Variants in CACNA2D3 observed in about 807,000 individuals in gnomAD.
The protein encoded by CACNA2D3 is calcium voltage-gated channel auxiliary subunit alpha2delta 3.
Under a neutral mutation model 160.6 loss-of-function variants are expected in CACNA2D3, and 60 were observed. The observed-to-expected ratio is 0.37, with a 90% CI of 0.30 to 0.46. The LOEUF is 0.46. Among genes scored for constraint, CACNA2D3 ranks in the 20% least tolerant of loss-of-function variants. The pLI, the probability that CACNA2D3 is intolerant of heterozygous loss-of-function variation, is 1.00. For missense variants in CACNA2D3, 1,205 were observed against 1,365.0 expected (o/e 0.88, Z 1.85); for synonymous variants, 558 against 492.9 (o/e 1.13, Z -1.75).
chr3:54,821,731 CT>C (rs1329194984), intron 14 of CACNA2D3, among the ~76,000 whole-genome samples: 3 of 140,026 alleles, frequency 2.1e-5, no homozygotes, highest in East Asian at 4.3e-4. Context: ...CTCTCTCTCT[CT>C]CTCTTTCTCT....
chr3:54,803,570 T>C (rs1382485523), intron 13 of CACNA2D3, among the ~76,000 whole-genome samples: 1 of 152,144 alleles, frequency 6.6e-6, no homozygotes, highest in Non-Finnish European at 1.5e-5. Context: ...AAAACAAATC[T>C]ACATCTGATT....
At chr3:54,324,893 A>C (rs1704088869) in intron 3 of CACNA2D3, among the ~76,000 whole-genome samples, 1 of 148,796 alleles carries the variant, frequency 6.7e-6, no homozygotes, top group Non-Finnish European at 1.5e-5. Flanking sequence ...TGACACCTGG[A>C]AATGCTTGTC....
At chr3:55,033,827 T>TTTTATA (rs1390816217) in intron 35 of CACNA2D3, among the ~76,000 whole-genome samples, 3,282 of 76,434 alleles carry the variant, frequency 0.043, 114 homozygotes, top group Middle Eastern at 0.074. Context: ...TTAAATATAT[T>TTTTATA]TAATATATAA....
chr3:54,848,089 A>G (rs1488972282), intron 17 of CACNA2D3, among the ~76,000 whole-genome samples: 1 of 152,226 alleles, frequency 6.6e-6, no homozygotes, highest in Non-Finnish European at 1.5e-5. Context: ...TGCCCGCCAC[A>G]CAGTCGACTC....
chr3:54,918,848 T>G, intron 27 of CACNA2D3: 1 of 1,575,280 alleles, frequency 6.3e-7, no homozygotes. Context: ...TCCTTTCCCT[T>G]CCAGGTGTCT....
At chr3:54,338,814 C>T (rs1704452970) in intron 3 of CACNA2D3, among the ~76,000 whole-genome samples, 2 of 152,030 alleles carry the variant, frequency 1.3e-5, no homozygotes, top group African/African-American at 4.8e-5. Flanking sequence ...GCTCGTGGGG[C>T]TTGAGGAAGG....
chr3:54,774,040 A>G (rs986521658), intron 13 of CACNA2D3, among the ~76,000 whole-genome samples: 2 of 152,234 alleles, frequency 1.3e-5, no homozygotes, highest in Non-Finnish European at 2.9e-5. Flanking sequence ...TCTAGCCTGA[A>G]TAATCATACA....
chr3:54,138,899 A>G (rs1699868857), intron 2 of CACNA2D3, among the ~76,000 whole-genome samples: 1 of 152,140 alleles, frequency 6.6e-6, no homozygotes. Context: ...TTCTCCTCTT[A>G]CCATCTGGAT....
chr3:54,307,124 T>G (rs1447667695), intron 2 of CACNA2D3, among the ~76,000 whole-genome samples: 1 of 152,168 alleles, frequency 6.6e-6, no homozygotes, highest in African/African-American at 2.4e-5. Context: ...GAGTTAGTGG[T>G]GTCTGAAATG....
chr3:54,131,118 AG>A (rs1397372412), intron 2 of CACNA2D3, among the ~76,000 whole-genome samples: 1 of 152,210 alleles, frequency 6.6e-6, no homozygotes, highest in Non-Finnish European at 1.5e-5. Context: ...CAAGCTCTTC[AG>A]GTAATCTTCA....
chr3:54,413,790 A>T (rs1180293935), intron 4 of CACNA2D3, among the ~76,000 whole-genome samples: 3 of 151,038 alleles, frequency 2.0e-5, no homozygotes, highest in African/African-American at 4.8e-5. Context: ...CTCCATCTAT[A>T]CACTGATTAT....
At chr3:54,789,232 T>C (rs1702698549) in intron 13 of CACNA2D3, among the ~76,000 whole-genome samples, 1 of 152,194 alleles carries the variant, frequency 6.6e-6, no homozygotes, top group South Asian at 2.1e-4. Flanking sequence ...AGGCATTGAA[T>C]AATTGAATAA....
At chr3:54,740,121 C>T (rs1701620193) in intron 11 of CACNA2D3, among the ~76,000 whole-genome samples, 1 of 151,938 alleles carries the variant, frequency 6.6e-6, no homozygotes, top group Non-Finnish European at 1.5e-5. Flanking sequence ...GAGAAAAGGA[C>T]ACCAAAGACA....
intron 5 of CACNA2D3, among the ~76,000 whole-genome samples, chr3:54,551,240 T>C (rs1041209234): frequency 3.3e-5 from 5 of 152,194 alleles, no homozygotes; most frequent in Non-Finnish European, 7.3e-5. Context: ...TTCTGCAGAT[T>C]CCATTTTACC....
At chr3:54,853,414 T>G (rs1699102416) in intron 17 of CACNA2D3, among the ~76,000 whole-genome samples, 1 of 152,194 alleles carries the variant, frequency 6.6e-6, no homozygotes, top group Admixed American at 6.5e-5. Context: ...GAAGAGCAGG[T>G]GACACACGTT....
intron 2 of CACNA2D3, among the ~76,000 whole-genome samples, chr3:54,187,384 T>C (rs1202661443): frequency 2.0e-5 from 3 of 152,224 alleles, no homozygotes; most frequent in African/African-American, 7.2e-5. Context: ...ATTGAAATAA[T>C]TGAACACCGC....
intron 5 of CACNA2D3, among the ~76,000 whole-genome samples, chr3:54,561,616 G>T (rs1702326474): frequency 6.6e-6 from 1 of 152,042 alleles, no homozygotes. Flanking sequence ...ATATTGTGTT[G>T]AATAGGAATT....
intron 11 of CACNA2D3, among the ~76,000 whole-genome samples, chr3:54,644,643 A>AATG (rs1170663561): frequency 6.6e-6 from 1 of 152,222 alleles, no homozygotes; most frequent in Non-Finnish European, 1.5e-5. Flanking sequence ...GACAGAAAAA[A>AATG]ATGATCTCAA....
intron 27 of CACNA2D3, among the ~76,000 whole-genome samples, chr3:54,949,000 G>A (rs1377950545): frequency 1.3e-5 from 2 of 152,232 alleles, no homozygotes; most frequent in Non-Finnish European, 2.9e-5. Flanking sequence ...GGGCTCAGCT[G>A]AAATCACCAA....
Sources: allele counts gnomAD v4.1 joint callset (sites outside exome capture counted in the v4.1 genomes callset), GRCh38; gene constraint gnomAD v4.1.1; transcripts MANE v1.5; gene names NCBI Gene and HGNC (gene_info 2026-07-23, HGNC 2026-07-21).